LEMD3: variants seen among roughly 807,000 people sequenced by gnomAD.
The protein encoded by LEMD3 is inner nuclear membrane protein Man1.
In LEMD3, 33 loss-of-function variants were observed where a neutral mutation model predicts 95.2. That is an observed-to-expected ratio of 0.35 (90% confidence interval 0.26 to 0.46). LEMD3 has a LOEUF of 0.46. Ranked by LOEUF, LEMD3 falls within the 20% of genes least tolerant of loss-of-function variation. The probability of loss-of-function intolerance (pLI) is 1.00; values close to 1 mark genes in which losing one functional copy is unlikely to be tolerated. For synonymous variants in LEMD3, 525 were observed against 474.6 expected (o/e 1.11, Z -1.38); for missense variants, 1,210 against 1,192.8 (o/e 1.01, Z -0.21).
At chr12:65,231,161 A>C (rs1870614812) in intron 4 of LEMD3, among the ~76,000 whole-genome samples, 1 of 151,988 alleles carries the variant, frequency 6.6e-6, no homozygotes, top group African/African-American at 2.4e-5. Flanking sequence ...AGTTAGGTTT[A>C]TGTATGTGTG....
chr12:65,212,221 A>G (rs1482668976), intron 2 of LEMD3, among the ~76,000 whole-genome samples: 3 of 152,126 alleles, frequency 2.0e-5, no homozygotes, highest in South Asian at 2.1e-4. Flanking sequence ...AACCCACCCC[A>G]TGCATGATTC....
At chr12:65,199,979 A>G (rs1409617303) in intron 1 of LEMD3, among the ~76,000 whole-genome samples, 1 of 151,932 alleles carries the variant, frequency 6.6e-6, no homozygotes, top group African/African-American at 2.4e-5. Flanking sequence ...AACTGAATCA[A>G]AAGGAAAACC....
At chr12:65,196,423 C>A (rs1869431264) in intron 1 of LEMD3, among the ~76,000 whole-genome samples, 1 of 151,844 alleles carries the variant, frequency 6.6e-6, no homozygotes, top group Non-Finnish European at 1.5e-5. Flanking sequence ...CACTGTGGCC[C>A]CTGTAACTCT....
rs1268835713 is a variant in LEMD3 at position 65,239,961 on chromosome 12, A to G, written c.1954A>G (p.Met652Val). The change falls in exon 7 of 13, where the codon ATG becomes GTG. Residue 652 changes from methionine to valine, a missense_variant. This residue lies in a region of LEMD3 where 461 missense variants were observed against 569.8 expected (regional missense o/e 0.81). Transcript: ENST00000308330. ...GATGGTTTGTGTCGTTCTGCGTTAC[A>G]TGAAATATCGATGGACAAAAGAAGA... Reference protein sequence around the residue: ...VVMVCVVLRYMKYRWTKEEEE... With the variant: ...VVMVCVVLRYVKYRWTKEEEE... 4.3e-6 allele frequency: 7 copies of G among 1,612,314 alleles called. No individual in the cohort carries two copies. Among genetic ancestry groups the G allele is most frequent in the South Asian group, 1.1e-5 (1 of 91,040 alleles).
At chr12:65,228,410 T>A (rs909753048) in intron 4 of LEMD3, among the ~76,000 whole-genome samples, 3 of 151,076 alleles carry the variant, frequency 2.0e-5, no homozygotes, top group Admixed American at 6.6e-5. Flanking sequence ...TTATTTTTTT[T>A]TTTGAGGTGG....
chr12:65,195,164 C>T (rs1869390259), intron 1 of LEMD3, among the ~76,000 whole-genome samples: 1 of 152,036 alleles, frequency 6.6e-6, no homozygotes, highest in Non-Finnish European at 1.5e-5. Flanking sequence ...GATGCAGAAC[C>T]TGTGGTTATG....
At chr12:65,234,647 T>C (rs528899510) in intron 4 of LEMD3, among the ~76,000 whole-genome samples, 5 of 152,192 alleles carry the variant, frequency 3.3e-5, no homozygotes, top group Admixed American at 3.3e-4. Flanking sequence ...AATGAGTGGA[T>C]GTCAAGTGAT....
At chr12:65,192,811 A>G (rs540786697) in intron 1 of LEMD3, among the ~76,000 whole-genome samples, 3 of 152,320 alleles carry the variant, frequency 2.0e-5, no homozygotes, top group Non-Finnish European at 2.9e-5. Context: ...TAGATATTCA[A>G]TGAATATCTG....
intron 1 of LEMD3, among the ~76,000 whole-genome samples, chr12:65,177,500 A>G (rs1425028018): frequency 6.6e-6 from 1 of 152,148 alleles, no homozygotes; most frequent in Non-Finnish European, 1.5e-5. Context: ...TGGTCTAGGG[A>G]AAATGAGTTT....
chr12:65,194,482 T>C (rs1869347273), intron 1 of LEMD3, among the ~76,000 whole-genome samples: 1 of 151,776 alleles, frequency 6.6e-6, no homozygotes. Flanking sequence ...GGTGTGGAAA[T>C]GGTCCCTGTG....
intron 1 of LEMD3, among the ~76,000 whole-genome samples, chr12:65,206,783 C>T (rs1239404956): frequency 1.3e-5 from 2 of 152,012 alleles, no homozygotes; most frequent in Non-Finnish European, 2.9e-5. Flanking sequence ...AATGTATTTT[C>T]CAACAGCAGT....
At chr12:65,198,344 A>G (rs1869495267) in intron 1 of LEMD3, among the ~76,000 whole-genome samples, 1 of 152,164 alleles carries the variant, frequency 6.6e-6, no homozygotes, top group Non-Finnish European at 1.5e-5. Flanking sequence ...ATTTGTATCT[A>G]ACCTTTACAA....
chr12:65,170,735 A>G lies in LEMD3; in HGVS notation c.1139A>G (p.Asp380Gly). ...PPLTDMDSTLDSSTGSLLKTN... is the reference protein window; with the variant it reads ...PPLTDMDSTLGSSTGSLLKTN... ...CTTACTGACATGGACTCAACCTTGG[A>G]TTCGTCAACAGGCTCCCTTCTGAAA... Residue 380 changes from aspartate to glycine, a missense_variant, in exon 1 of 13, where the codon GAT becomes GGT. By Grantham distance (94) the Asp-to-Gly change is moderately conservative. Around this residue, in one of 2 missense-constraint regions of LEMD3, gnomAD observed 749 missense variants for 622.9 expected, o/e 1.20. Coordinates refer to ENST00000308330, the MANE Select transcript of LEMD3 (RefSeq NM_014319.5). The G allele has an allele frequency of 1.9e-6, 3 of 1,614,230 alleles. No individual in the cohort carries two copies. Among genetic ancestry groups the G allele is most frequent in the Non-Finnish European group, 2.5e-6 (3 of 1,180,036 alleles).
At chr12:65,193,510 A>G (rs1001646486) in intron 1 of LEMD3, among the ~76,000 whole-genome samples, 13 of 151,980 alleles carry the variant, frequency 8.6e-5, no homozygotes, top group Non-Finnish European at 1.2e-4. Flanking sequence ...ATGTCCCTGG[A>G]AGGTCATATA....
At chr12:65,215,350 C>T (rs1310228643) in intron 2 of LEMD3, among the ~76,000 whole-genome samples, 2 of 152,148 alleles carry the variant, frequency 1.3e-5, no homozygotes, top group African/African-American at 4.8e-5. Flanking sequence ...TTCTGTATTA[C>T]TCTGCAGTTG....
At position 65,170,267 on chromosome 12, in the gene LEMD3, G is replaced by A. The variant is rs1054067162; in HGVS notation, c.671G>A (p.Gly224Glu). 2.6e-6 allele frequency: 4 copies of A among 1,564,434 alleles called. No homozygotes were observed. In the South Asian group the frequency reaches 3.5e-5, roughly 14 times the overall value. ...GCAGTGGAGGACGAGGAAGGGGAGG[G>A]AGAGGACGGTGAGGAGAGGGACCCG... ...DGAVEDEEGE[G>E]EDGEERDPET... Residue 224 changes from glycine to glutamate, a missense_variant, in exon 1 of 13, where the codon GGA (glycine) becomes GAA (glutamate). Physicochemically the swap from Gly to Glu is moderately conservative, Grantham distance 98 (BLOSUM62 -2). Transcript: ENST00000308330.
At chr12:65,212,979 C>T (rs747430020) in intron 2 of LEMD3, among the ~76,000 whole-genome samples, 1 of 152,190 alleles carries the variant, frequency 6.6e-6, no homozygotes, top group African/African-American at 2.4e-5. Flanking sequence ...CTAAAGATAA[C>T]TGAACCAAAA....
At chr12:65,222,133 A>G (rs529725712) in intron 4 of LEMD3, among the ~76,000 whole-genome samples, 12 of 152,242 alleles carry the variant, frequency 7.9e-5, no homozygotes, top group East Asian at 3.9e-4. Flanking sequence ...ATTTCCTTCT[A>G]TTCCTCTTTA....
At chr12:65,242,134 T>C (rs1463931656) in intron 9 of LEMD3, among the ~76,000 whole-genome samples, 1 of 152,230 alleles carries the variant, frequency 6.6e-6, no homozygotes, top group African/African-American at 2.4e-5. Flanking sequence ...GAATTCCTTA[T>C]TTTACTTGAC....
Sources: gnomAD v4.1 joint callset for allele counts (sites outside exome capture counted in the v4.1 genomes callset) on GRCh38, gnomAD v4.1.1 for gene constraint, gnomAD v4.1.1 regional missense constraint, MANE v1.5 for transcripts, NCBI Gene and HGNC (gene_info 2026-07-23, HGNC 2026-07-21) for gene names.